The following SP140 variants were observed in gnomAD, a reference collection of about 807,000 sequenced individuals.
SP140 encodes the protein SP140 nuclear body protein.
SP140 carries 81 observed loss-of-function variants against 125.0 expected under a neutral mutation model. That is an observed-to-expected ratio of 0.65 (90% confidence interval 0.54 to 0.78). SP140 has a LOEUF of 0.78. SP140 is among the 30% of genes least tolerant of loss of function. The pLI is 0.00. For synonymous variants in SP140, 312 were observed against 354.0 expected (o/e 0.88, Z 1.33); for missense variants, 858 against 1,037.0 (o/e 0.83, Z 2.37).
chr2:230,248,048 C>A lies in SP140; in HGVS notation c.875C>A (p.Pro292Gln), dbSNP rs1289680854. Residue 292 changes from proline to glutamine, a missense_variant, in exon 8 of 27, where the codon CCA becomes CAA. Physicochemically the swap from Pro to Gln is moderately conservative, Grantham distance 76 (BLOSUM62 -1). Coordinates refer to ENST00000392045, the MANE Select transcript of SP140 (RefSeq NM_007237.5). The part of the protein sequence containing the change: ...NQDKEKYQES[P>Q]EGRDKETFDL... ...GACAAGGAGAAGTACCAAGAGAGTC[C>A]AGAGGGAAGAGACAAAGGTAGGAAC... is the stretch of plus-strand genomic sequence containing the variant. 1.2e-6 allele frequency: 2 copies of A among 1,613,158 alleles called. No individual in the cohort carries two copies. The highest frequency in any genetic ancestry group is 1.7e-5 in the Admixed American group (1 of 59,900).
Position 230,255,504 on chromosome 2 carries a change from CT to C in SP140, c.1213del (p.Ser405LeufsTer4). Reference sequence around the variant, plus strand: ...GTGATGGAGAAGAGCGCCAGGAAGCCTCTAGCTCCCTAGCAAGACGTGGGTC... The same window carrying C: ...GTGATGGAGAAGAGCGCCAGGAAGCCCTAGCTCCCTAGCAAGACGTGGGTC... The part of the protein sequence containing the change: ...MCDGEERQEA[S>X]SSLARRGSVS... On this transcript the variant is annotated frameshift_variant, in exon 12 of 27. Transcript: ENST00000392045. LOFTEE classifies it high-confidence loss of function. 1 of 1,612,400 alleles carries C rather than the reference CT, an allele frequency of 6.2e-7. No homozygotes were observed. Among genetic ancestry groups the C allele is most frequent in the Non-Finnish European group, 8.5e-7 (1 of 1,179,790 alleles).
intron 3 of SP140, among the ~76,000 whole-genome samples, chr2:230,239,551 A>C (rs1161029834): frequency 6.6e-6 from 1 of 151,988 alleles, no homozygotes; most frequent in Non-Finnish European, 1.5e-5. Context: ...GGTTCAAGTG[A>C]TTTTCCTGCC....
chr2:230,222,272 A>C (rs2045887914), upstream of SP140, among the ~76,000 whole-genome samples: 1 of 152,092 alleles, frequency 6.6e-6, no homozygotes, highest in Non-Finnish European at 1.5e-5. Flanking sequence ...ACATGGTAAT[A>C]ATGGGAAAAC....
intron 22 of SP140, among the ~76,000 whole-genome samples, chr2:230,304,681 A>T (rs904990363): frequency 1.3e-5 from 2 of 152,232 alleles, no homozygotes; most frequent in African/African-American, 4.8e-5. Flanking sequence ...TTCAACCAAT[A>T]GCACTGGCAT....
intron 10 of SP140, among the ~76,000 whole-genome samples, chr2:230,252,018 T>C (rs916979897): frequency 1.3e-5 from 2 of 152,076 alleles, no homozygotes; most frequent in East Asian, 3.9e-4. Context: ...CCAATGTGGA[T>C]GCCCAAAGGG....
chr2:230,292,470 T>C (rs903796815), intron 19 of SP140, among the ~76,000 whole-genome samples, 176 bp from the exon 20 acceptor site: 1 of 152,138 alleles, frequency 6.6e-6, no homozygotes, highest in African/African-American at 2.4e-5. Flanking sequence ...GAAATATCCT[T>C]AGAGGGGATT....
At chr2:230,294,509 A>C (rs2057474870) in intron 21 of SP140, among the ~76,000 whole-genome samples, 191 bp downstream of exon 21, 1 of 152,230 alleles carries the variant, frequency 6.6e-6, no homozygotes, top group East Asian at 1.9e-4. Context: ...ATATAAAGCT[A>C]GGTCCTGTTT....
rs9989746 is a variant in SP140, at chr2:230,251,075, G to A, written c.1057+14G>A. 254,615 of 1,608,132 alleles carry A rather than the reference G, an allele frequency of 0.16. 21,854 individuals are homozygous for A. Among genetic ancestry groups the A allele is most frequent in the Middle Eastern group, 0.2 (1,003 of 5,020 alleles). ...GATGTGGGTCAGGTAAAGAAGGGGAGGATTTCTGGCCCTGGGCTGCAGAGT... is the reference window on the plus strand; with the variant it reads ...GATGTGGGTCAGGTAAAGAAGGGGAAGATTTCTGGCCCTGGGCTGCAGAGT... On this transcript the variant is annotated intron_variant, in intron 10 of 26. Transcript: ENST00000392045.
chr2:230,238,604 GC>G (rs1410734016), intron 3 of SP140: 7 of 767,434 alleles, frequency 9.1e-6, no homozygotes, highest in Non-Finnish European at 1.5e-5. Context: ...GCAAATGGTT[GC>G]TCAGCCAGGA....
At chr2:230,224,776 A>G (rs138689130), upstream of SP140, among the ~76,000 whole-genome samples, 3 of 152,278 alleles carry the variant, frequency 2.0e-5, no homozygotes, top group Admixed American at 6.5e-5. Context: ...TGGCTTTTCA[A>G]TCCTCACTAC....
Position 230,312,793 on chromosome 2 carries a change from G to A in SP140, c.*109G>A, listed in dbSNP as rs1410427134. ...ACTTGGGCACAGCACATGCAGGGAG[G>A]GGCTTTTCTCTGAGCCTCCTTCATC... is the stretch of plus-strand genomic sequence containing the variant. On this transcript the variant is annotated 3_prime_UTR_variant, in exon 27 of 27. Transcript: ENST00000392045. The A allele has an allele frequency of 7.8e-6, 6 of 764,408 alleles. No homozygotes were observed. Among genetic ancestry groups the A allele is most frequent in the African/African-American group, 5.3e-5 (3 of 56,086 alleles). The allele number at this position is 764,408 out of a possible 1,614,324, so 47.4% of individuals were successfully genotyped here.
intron 12 of SP140, among the ~76,000 whole-genome samples, chr2:230,267,275 T>C (rs997893855): frequency 2.0e-5 from 3 of 152,222 alleles, no homozygotes; most frequent in African/African-American, 7.2e-5. Context: ...ATCCGTAGTG[T>C]AGGTATACTA....
chr2:230,293,920 A>G (rs1198734522), intron 20 of SP140, among the ~76,000 whole-genome samples: 1 of 152,154 alleles, frequency 6.6e-6, no homozygotes, highest in African/African-American at 2.4e-5. Flanking sequence ...GTAGCAGGCA[A>G]TGTGTGTGCT....
At chr2:230,277,936 A>G (rs1280690303) in intron 15 of SP140, among the ~76,000 whole-genome samples, 1 of 152,120 alleles carries the variant, frequency 6.6e-6, no homozygotes, top group Non-Finnish European at 1.5e-5. Context: ...TTATGCTGCA[A>G]TGAACATGTG....
chr2:230,192,104 T>C, the SP140 span, among the ~76,000 whole-genome samples: 1 of 152,160 alleles, frequency 6.6e-6, no homozygotes, highest in Admixed American at 6.5e-5. Context: ...TTAAAAACTC[T>C]CAATAAACTA....
rs776568845 is a variant in SP140, at chr2:230,225,801, C to T, written c.-44C>T. ...TTCACCTCAGAGCTGCAGGAAGGAA[C>T]GGGGCAGTGAAAATCGAATCGGGTG... On this transcript the variant is annotated 5_prime_UTR_variant, in exon 1 of 27. It adds an upstream start codon to the 5' untranslated region. Transcript: ENST00000392045. 21 of 1,544,584 alleles carry T rather than the reference C, an allele frequency of 1.4e-5. No individual in the cohort carries two copies. Among genetic ancestry groups the T allele is most frequent in the South Asian group, 6.7e-5 (6 of 89,746 alleles).
intron 11 of SP140, among the ~76,000 whole-genome samples, chr2:230,255,116 G>T (rs980465782): frequency 2.0e-5 from 3 of 152,126 alleles, no homozygotes; most frequent in African/African-American, 7.2e-5. Flanking sequence ...GGGCAGAAAC[G>T]CATGGAAACA....
At chr2:230,286,714 A>G (rs1323205197) in intron 17 of SP140, among the ~76,000 whole-genome samples, 2 of 152,168 alleles carry the variant, frequency 1.3e-5, no homozygotes, top group African/African-American at 2.4e-5. Flanking sequence ...AACTCTTTCT[A>G]AGGTTACATA....
chr2:230,209,869 A>C, intron 1 of SP140: 2 of 977,136 alleles, frequency 2.0e-6, no homozygotes, highest in Non-Finnish European at 3.3e-6. Flanking sequence ...ATACAGTCAG[A>C]AAAACAGAAA....
Sources: allele counts gnomAD v4.1 joint callset (sites outside exome capture counted in the v4.1 genomes callset), GRCh38; gene constraint gnomAD v4.1.1; transcripts MANE v1.5; gene names NCBI Gene and HGNC (gene_info 2026-07-23, HGNC 2026-07-21).